The following MAPK10 variants were observed in gnomAD, a reference collection of about 807,000 sequenced individuals.
MAPK10 encodes the protein JNK3 alpha protein kinase.
In MAPK10, 25 loss-of-function variants were observed where a neutral mutation model predicts 59.3. That is an observed-to-expected ratio of 0.42 (90% CI 0.31 to 0.59). The LOEUF (loss-of-function observed/expected upper bound fraction) is 0.59. Among genes scored for constraint, MAPK10 ranks in the 20% least tolerant of loss-of-function variants. The probability of loss-of-function intolerance (pLI) is 0.15; values close to 1 mark genes in which losing one functional copy is unlikely to be tolerated. For missense variants in MAPK10, 351 were observed against 568.9 expected (o/e 0.62, Z 3.90); for synonymous variants, 190 against 200.5 (o/e 0.95, Z 0.44).
intron 1 of MAPK10, among the ~76,000 whole-genome samples, chr4:86,465,862 C>T (rs1172902010): frequency 6.6e-6 from 1 of 152,122 alleles, no homozygotes; most frequent in African/African-American, 2.4e-5. Flanking sequence ...AACACAGCCA[C>T]CTACCTGGGG....
At chr4:86,263,541 T>C (rs1170140703) in intron 2 of MAPK10, among the ~76,000 whole-genome samples, 2 of 151,526 alleles carry the variant, frequency 1.3e-5, no homozygotes, top group Admixed American at 6.6e-5. Context: ...AAACTAACTG[T>C]CCCTCCCTTA....
intron 2 of MAPK10, among the ~76,000 whole-genome samples, chr4:86,246,980 C>T (rs1222793620): frequency 6.6e-6 from 1 of 152,196 alleles, no homozygotes; most frequent in Admixed American, 6.5e-5. Context: ...ACCAATCAGA[C>T]TAAAGGTAAG....
intron 2 of MAPK10, among the ~76,000 whole-genome samples, chr4:86,203,046 T>C (rs1161667323): frequency 6.6e-6 from 1 of 151,984 alleles, no homozygotes; most frequent in African/African-American, 2.4e-5. Context: ...CTCAATATTA[T>C]GCTAAAGTGA....
chr4:86,558,163 A>G (rs538717964), intron 1 of MAPK10, among the ~76,000 whole-genome samples: 84 of 152,274 alleles, frequency 5.5e-4, no homozygotes, highest in African/African-American at 1.9e-3. Context: ...GTTCTCTTCT[A>G]TTAGCCCAGG....
At chr4:86,201,402 G>A in intron 2 of MAPK10, among the ~76,000 whole-genome samples, 1 of 151,766 alleles carries the variant, frequency 6.6e-6, no homozygotes. Context: ...AATCATTTTA[G>A]GGAGTGTTTA....
At chr4:86,527,555 G>C (rs1460510015) in intron 1 of MAPK10, among the ~76,000 whole-genome samples, 1 of 152,166 alleles carries the variant, frequency 6.6e-6, no homozygotes. Context: ...CTTATACACT[G>C]TTGGTGGGAA....
rs61602165 is a variant in MAPK10 at position 86,112,990 on chromosome 4, T to TA, written c.237-5639dup. ...ATGTCCTTCTTTGTCTTTTTTTTTT[T>TA]ATCTTTGTTGGTTTTAAAGTCTGTT... On this transcript the variant is annotated intron_variant, in intron 4 of 13. Transcript: ENST00000641462. 2.6e-5 allele frequency among the ~76,000 whole-genome samples: 4 copies of TA among 151,730 alleles called. No homozygotes were observed. In the South Asian group the frequency reaches 6.3e-4, roughly 24 times the overall value.
chr4:86,140,796 C>T (rs891369801), intron 4 of MAPK10, among the ~76,000 whole-genome samples: 8 of 152,230 alleles, frequency 5.3e-5, no homozygotes, highest in Non-Finnish European at 8.8e-5. Context: ...CACACACACA[C>T]GCATGCACGC....
At chr4:86,092,219 A>G (rs1166712070) in intron 9 of MAPK10, among the ~76,000 whole-genome samples, 2 of 152,096 alleles carry the variant, frequency 1.3e-5, no homozygotes, top group African/African-American at 4.8e-5. Flanking sequence ...ATTTTAATAT[A>G]TCTTTATGGG....
In MAPK10 at chr4:86,040,844, A is replaced by T. The variant is rs996824925; in HGVS notation, c.1111-9413T>A. 5.3e-5 allele frequency: 8 copies of T among 152,238 alleles called. No individual in the cohort carries two copies. The East Asian group carries it at 7.7e-4, about 15-fold the overall frequency. The allele number at this position is 152,238 out of a possible 1,614,324, so 9.4% of individuals were successfully genotyped here. A position where few individuals can be genotyped will look rare whatever the true frequency, so the allele number is the denominator to read the frequency against. ...CATAATCAAAATGTTAAAATAAAAT[A>T]AAAAAACTATCAATTAGGAATACTG... On this transcript the variant is annotated intron_variant, in intron 11 of 13. Transcript: ENST00000641462.
intron 3 of MAPK10, chr4:86,171,202 G>A (rs1413029825): frequency 5.3e-5 from 8 of 151,792 alleles, no homozygotes; most frequent in Admixed American, 3.9e-4. Context: ...AAAGCTAGCA[G>A]AAGGCAAGAA....
chr4:86,394,360 C>T (rs932131754), intron 1 of MAPK10, among the ~76,000 whole-genome samples: 3 of 151,984 alleles, frequency 2.0e-5, no homozygotes, highest in Non-Finnish European at 2.9e-5. Context: ...CTTGACTTAC[C>T]AATATTTCAG....
intron 4 of MAPK10, among the ~76,000 whole-genome samples, chr4:86,134,236 G>C (rs2061494638): frequency 6.6e-6 from 1 of 152,144 alleles, no homozygotes; most frequent in African/African-American, 2.4e-5. Flanking sequence ...TCCCTGAAGA[G>C]CCAATCTCTC....
intron 1 of MAPK10, among the ~76,000 whole-genome samples, chr4:86,577,185 C>T (rs527534182): frequency 6.6e-6 from 1 of 152,136 alleles, no homozygotes; most frequent in Non-Finnish European, 1.5e-5. Flanking sequence ...ATGGTGCACA[C>T]TTGTAATACC....
chr4:86,356,566 T>C (rs1304741813), intron 1 of MAPK10: 1 of 475,586 alleles, frequency 2.1e-6, no homozygotes, highest in Admixed American at 6.4e-5. Context: ...AGGTTTTGTA[T>C]TTTCCCCTTC....
intron 1 of MAPK10, among the ~76,000 whole-genome samples, chr4:86,496,294 AG>A (rs1754869357): frequency 6.6e-6 from 1 of 152,190 alleles, no homozygotes; most frequent in African/African-American, 2.4e-5. Context: ...CTACCACTAG[AG>A]GGAGGCCAAT....
chr4:86,175,046 A>G (rs2075362046), intron 3 of MAPK10, among the ~76,000 whole-genome samples: 1 of 152,212 alleles, frequency 6.6e-6, no homozygotes, highest in Admixed American at 6.5e-5. Context: ...CAATAAAGAA[A>G]AAAGACATAC....
At chr4:86,210,451 T>C (rs1220663957) in intron 2 of MAPK10, among the ~76,000 whole-genome samples, 1 of 151,840 alleles carries the variant, frequency 6.6e-6, no homozygotes, top group Non-Finnish European at 1.5e-5. Flanking sequence ...TCTGGTTAAA[T>C]AATAATTTAA....
intron 2 of MAPK10, among the ~76,000 whole-genome samples, chr4:86,343,743 G>C (rs1726470300): frequency 6.6e-6 from 1 of 152,086 alleles, no homozygotes; most frequent in Non-Finnish European, 1.5e-5. Flanking sequence ...TTGATGTATA[G>C]TATAACAAAA....
Sources: gnomAD v4.1 joint callset for allele counts (sites outside exome capture counted in the v4.1 genomes callset) on GRCh38, gnomAD v4.1.1 for gene constraint, MANE v1.5 for transcripts, NCBI Gene and HGNC (gene_info 2026-07-23, HGNC 2026-07-21) for gene names.